SPATA31C1: variants seen among roughly 807,000 people sequenced by gnomAD.
The protein encoded by SPATA31C1 is SPATA31 subfamily C member 1, also known as spermatogenesis-associated protein 31C1.
At chr9:87,920,769 C>G (rs769513851) in exon 5 of SPATA31C1, 2 of 1,613,974 alleles carry the variant, frequency 1.2e-6, no homozygotes, top group South Asian at 1.1e-5. Flanking sequence ...CTCAAACAGT[C>G]AAGTTTCTGC....
chr9:87,921,578 G>T (rs745964039), exon 5 of SPATA31C1: 4 of 1,612,020 alleles, frequency 2.5e-6, no homozygotes, highest in Non-Finnish European at 3.4e-6. Flanking sequence ...AAAGGAACCT[G>T]AGGAAGCCCT....
chr9:87,923,239 G>A (rs781227024), exon 5 of SPATA31C1: 7 of 1,603,522 alleles, frequency 4.4e-6, no homozygotes, highest in Non-Finnish European at 6.0e-6. Flanking sequence ...TCAGACCACA[G>A]CAGAATGCTG....
exon 5 of SPATA31C1, chr9:87,922,508 T>G: frequency 6.2e-7 from 1 of 1,610,778 alleles, no homozygotes; most frequent in Non-Finnish European, 8.5e-7. Flanking sequence ...AATTTGAGCC[T>G]GGAATGGCCA....
At chr9:87,919,072 C>T (rs756602540) in intron 2 of SPATA31C1, 183 bp from the exon 2 acceptor site, 15 of 1,004,398 alleles carry the variant, frequency 1.5e-5, no homozygotes, top group Middle Eastern at 2.4e-4. Context: ...ACCCGACCCC[C>T]TCTTCCTGTT....
At chr9:87,920,767 G>C in exon 5 of SPATA31C1, 1 of 1,613,958 alleles carries the variant, frequency 6.2e-7, no homozygotes, top group Non-Finnish European at 8.5e-7. Flanking sequence ...GGCTCAAACA[G>C]TCAAGTTTCT....
chr9:87,920,089 G>A (rs1828811413), intron 4 of SPATA31C1, 113 bp downstream of exon 3: 2 of 1,607,812 alleles, frequency 1.2e-6, no homozygotes, highest in East Asian at 2.2e-5. Context: ...ACAGAGGATG[G>A]GAGTAAAGCC....
chr9:87,923,234 C>A lies in SPATA31C1; in HGVS notation n.3624C>A, dbSNP rs595689. Reference sequence around the variant, plus strand: ...ACCACAGACACCCGTTCTACTCAGACCACAGCAGAATGCTGAGCTATGCAG... The same window carrying A: ...ACCACAGACACCCGTTCTACTCAGAACACAGCAGAATGCTGAGCTATGCAG... On this transcript the variant is annotated non_coding_transcript_exon_variant, in exon 5 of 5. Coordinates refer to ENST00000420021, the Ensembl canonical transcript of SPATA31C1. The A allele has an allele frequency of 9.3e-5, 149 of 1,603,052 alleles. 1 individual carries two copies. Among genetic ancestry groups the A allele is most frequent in the African/African-American group, 6.3e-4 (47 of 74,648 alleles).
exon 5 of SPATA31C1, chr9:87,922,121 G>A: frequency 6.2e-7 from 1 of 1,613,824 alleles, no homozygotes; most frequent in South Asian, 1.1e-5. Flanking sequence ...AGAGGCTTCA[G>A]GCCTCCTCAC....
chr9:87,918,891 C>T (rs1369799534), intron 2 of SPATA31C1: 3 of 348,046 alleles, frequency 8.6e-6, no homozygotes, highest in East Asian at 7.7e-5. Flanking sequence ...CCTGTCTTAG[C>T]GTCCTGAGTA....
At chr9:87,921,822 C>T (rs1458312451) in exon 5 of SPATA31C1, 1 of 1,612,050 alleles carries the variant, frequency 6.2e-7, no homozygotes. Context: ...AAACACAGCC[C>T]AGGTGCTTTC....
exon 5 of SPATA31C1, chr9:87,920,438 G>A (rs757490383): frequency 6.2e-7 from 1 of 1,613,910 alleles, no homozygotes; most frequent in Non-Finnish European, 8.5e-7. Context: ...CTCAGGATCT[G>A]GCCTCCACCC....
Position 87,922,040 on chromosome 9 carries a change from G to A in SPATA31C1, n.2430G>A, listed in dbSNP as rs187580896. ...CTGGCTCAAAAGTTGAGGTGGCCACGCTCCTTGGAGAGCCACCAATGGCAA... is the reference window on the plus strand; with the variant it reads ...CTGGCTCAAAAGTTGAGGTGGCCACACTCCTTGGAGAGCCACCAATGGCAA... On this transcript the variant is annotated non_coding_transcript_exon_variant, in exon 5 of 5. Coordinates refer to ENST00000420021, the Ensembl canonical transcript of SPATA31C1. The A allele has an allele frequency of 4.8e-4, 774 of 1,613,948 alleles. 7 individuals are homozygous for A. The East Asian group carries it at 0.016, about 33-fold the overall frequency.
chr9:87,920,989 C>T (rs1358370129), exon 5 of SPATA31C1: 2 of 1,612,864 alleles, frequency 1.2e-6, no homozygotes, highest in East Asian at 2.2e-5. Flanking sequence ...GAGGCTCAGG[C>T]CCATCTTCAA....
chr9:87,921,059 T>C, exon 5 of SPATA31C1: 2 of 1,611,436 alleles, frequency 1.2e-6, no homozygotes, highest in Non-Finnish European at 1.7e-6. Context: ...CTGGAGTAGC[T>C]TGCCCTGCGT....
At chr9:87,920,559 C>T (rs1216224582) in exon 5 of SPATA31C1, 1 of 1,613,664 alleles carries the variant, frequency 6.2e-7, no homozygotes, top group Non-Finnish European at 8.5e-7. Context: ...ACTTTTCCCT[C>T]ACCCACCACA....
At chr9:87,921,865 A>T (rs201732020) in exon 5 of SPATA31C1, 1 of 1,611,078 alleles carries the variant, frequency 6.2e-7, no homozygotes, top group Non-Finnish European at 8.5e-7. Flanking sequence ...CAGGTGCTGG[A>T]AGCCCATATT....
exon 5 of SPATA31C1, chr9:87,922,047 G>C: frequency 3.1e-6 from 5 of 1,613,952 alleles, no homozygotes; most frequent in Non-Finnish European, 3.4e-6. Flanking sequence ...CACGCTCCTT[G>C]GAGAGCCACC....
In SPATA31C1 at chr9:87,920,725, C is replaced by T. The variant is rs750388759; in HGVS notation, n.1115C>T. Reference sequence around the variant, plus strand: ...AGCTTGTCTCCACGTGAGGATTTGGCGGCTTCTGTCCCAGCCATCTCAGGC... The same window carrying T: ...AGCTTGTCTCCACGTGAGGATTTGGTGGCTTCTGTCCCAGCCATCTCAGGC... On this transcript the variant is annotated non_coding_transcript_exon_variant, in exon 5 of 5. Coordinates refer to ENST00000420021, the Ensembl canonical transcript of SPATA31C1. 29 of 1,613,876 alleles carry T rather than the reference C, an allele frequency of 1.8e-5. No individual in the cohort carries two copies. The African/African-American group carries it at 2.3e-4, about 13-fold the overall frequency.
intron 1 of SPATA31C1, among the ~76,000 whole-genome samples, chr9:87,915,666 A>C (rs1828700509): frequency 1.4e-5 from 2 of 143,716 alleles, no homozygotes; most frequent in African/African-American, 5.1e-5. Context: ...ATGGTATCTA[A>C]CTGCTCCAGA....
Sources: gnomAD v4.1 joint callset for allele counts (sites outside exome capture counted in the v4.1 genomes callset) on GRCh38, gnomAD v4.1.1 for gene constraint, MANE v1.5 for transcripts, NCBI Gene and HGNC (gene_info 2026-07-23, HGNC 2026-07-21) for gene names.